The following MCTP1 variants were observed in gnomAD, a reference collection of about 807,000 sequenced individuals.
MCTP1 encodes multiple C2 and transmembrane domain containing 1, also known as multiple C2 and transmembrane domain-containing protein 1.
In MCTP1, 69 loss-of-function variants were observed where a neutral mutation model predicts 120.6. The ratio of observed to expected loss-of-function variants is 0.57; its 90% CI spans 0.47 to 0.70. The LOEUF (loss-of-function observed/expected upper bound fraction) is 0.70. Ranked by LOEUF, MCTP1 falls within the 30% of genes least tolerant of loss-of-function variation. The pLI is 0.00. For synonymous variants in MCTP1, 529 were observed against 493.1 expected (o/e 1.07, Z -0.96); for missense variants, 1,203 against 1,248.8 (o/e 0.96, Z 0.55).
intron 5 of MCTP1, among the ~76,000 whole-genome samples, chr5:94,933,296 A>T (rs1815273304): frequency 6.6e-6 from 1 of 151,798 alleles, no homozygotes; most frequent in Non-Finnish European, 1.5e-5. Context: ...TGAAGCAACA[A>T]ATCCCAGCAT....
chr5:94,980,789 G>A (rs1023401443), intron 2 of MCTP1: 1 of 151,988 alleles, frequency 6.6e-6, no homozygotes, highest in African/African-American at 2.4e-5. Context: ...TTCCACAGAT[G>A]AGCAACTAAA....
intron 2 of MCTP1, among the ~76,000 whole-genome samples, chr5:94,987,719 T>C (rs1260170565): frequency 1.3e-5 from 2 of 152,194 alleles, no homozygotes; most frequent in African/African-American, 4.8e-5. Flanking sequence ...ATGTAATGTA[T>C]GTACATAGAA....
intron 17 of MCTP1, among the ~76,000 whole-genome samples, chr5:94,819,319 C>A (rs574229961): frequency 2.0e-5 from 3 of 151,806 alleles, no homozygotes; most frequent in Non-Finnish European, 4.4e-5. Flanking sequence ...TTAGTAGAGA[C>A]GGAGTTTCAC....
At chr5:94,717,818 G>A (rs1243777268) in intron 19 of MCTP1, among the ~76,000 whole-genome samples, 1 of 152,130 alleles carries the variant, frequency 6.6e-6, no homozygotes, top group Admixed American at 6.5e-5. Flanking sequence ...AACAAGGGAA[G>A]GGAAGGACCT....
intron 1 of MCTP1, among the ~76,000 whole-genome samples, chr5:95,162,344 A>G (rs1185246081): frequency 6.6e-6 from 1 of 152,200 alleles, no homozygotes; most frequent in Non-Finnish European, 1.5e-5. Flanking sequence ...AAAGTAATGA[A>G]ACAATTACCT....
chr5:94,777,491 T>G (rs1333993445), intron 19 of MCTP1, among the ~76,000 whole-genome samples: 2 of 152,280 alleles, frequency 1.3e-5, no homozygotes, highest in East Asian at 1.9e-4. Flanking sequence ...AACAGGGACA[T>G]TAAGTACTAG....
rs558627251 is a variant in MCTP1 at position 95,127,330 on chromosome 5, T to C, written c.721-109846A>G. ...TTGAATGACAAGCAGAAAGTGCTCT[T>C]CAGTGGGATACTCAGGGTTGACCTT... On this transcript the variant is annotated intron_variant, in intron 1 of 22. Coordinates refer to ENST00000515393, the MANE Select transcript of MCTP1 (RefSeq NM_024717.7). 1.1e-3 allele frequency among the ~76,000 whole-genome samples: 162 copies of C among 152,258 alleles called. 1 individual carries two copies. Among genetic ancestry groups the C allele is most frequent in the African/African-American group, 3.7e-3 (153 of 41,554 alleles).
intron 2 of MCTP1, among the ~76,000 whole-genome samples, chr5:95,010,103 C>T (rs147797869): frequency 6.6e-6 from 1 of 152,240 alleles, no homozygotes; most frequent in East Asian, 1.9e-4. Context: ...GCATCCTTGT[C>T]ACACATTGAT....
intron 12 of MCTP1, among the ~76,000 whole-genome samples, chr5:94,888,268 A>T (rs1801775319): frequency 6.6e-6 from 1 of 152,236 alleles, no homozygotes; most frequent in Non-Finnish European, 1.5e-5. Flanking sequence ...TTACAGAAAT[A>T]GTATTATGCA....
intron 1 of MCTP1, among the ~76,000 whole-genome samples, chr5:95,158,841 G>C (rs1008901378): frequency 6.6e-6 from 1 of 151,746 alleles, no homozygotes; most frequent in Non-Finnish European, 1.5e-5. Context: ...CAGGAGGCTT[G>C]AGCCGGGAGG....
chr5:94,866,547 T>G (rs1796848236), intron 17 of MCTP1, among the ~76,000 whole-genome samples: 2 of 9,748 alleles, frequency 2.1e-4, no homozygotes, highest in Non-Finnish European at 6.9e-4. Flanking sequence ...TGATTCCCTC[T>G]TTTTTTTTTT....
chr5:95,216,415 C>G (rs1470068728), intron 1 of MCTP1, among the ~76,000 whole-genome samples: 1 of 152,226 alleles, frequency 6.6e-6, no homozygotes, highest in African/African-American at 2.4e-5. Context: ...AGAAACTACT[C>G]TATCCTGTAG....
At chr5:94,850,530 A>T (rs1446933195) in intron 17 of MCTP1, among the ~76,000 whole-genome samples, 2 of 152,132 alleles carry the variant, frequency 1.3e-5, no homozygotes, top group Non-Finnish European at 2.9e-5. Context: ...AATTTTATAT[A>T]ATGGCATGTA....
intron 10 of MCTP1, among the ~76,000 whole-genome samples, chr5:94,908,869 A>T (rs891140670): frequency 6.6e-6 from 1 of 152,100 alleles, no homozygotes; most frequent in Non-Finnish European, 1.5e-5. Context: ...GCGTTGTAGA[A>T]AATAATGCAT....
intron 1 of MCTP1, among the ~76,000 whole-genome samples, chr5:95,277,192 G>A (rs1582719154): frequency 6.6e-6 from 1 of 152,152 alleles, no homozygotes; most frequent in Non-Finnish European, 1.5e-5. Context: ...CAGAGTCAGA[G>A]TCCAATACCA....
At chr5:95,044,602 C>T (rs533187751) in intron 1 of MCTP1, among the ~76,000 whole-genome samples, 4 of 152,212 alleles carry the variant, frequency 2.6e-5, no homozygotes, top group South Asian at 4.1e-4. Context: ...ATGTCCAGAT[C>T]TAATCTCTTC....
At chr5:94,819,716 A>G (rs1785233998) in intron 17 of MCTP1, among the ~76,000 whole-genome samples, 1 of 152,208 alleles carries the variant, frequency 6.6e-6, no homozygotes, top group Non-Finnish European at 1.5e-5. Flanking sequence ...CTTCTCCATG[A>G]TAATTCACCA....
rs1355413741 is a variant in MCTP1, at chr5:95,224,542, G to A, written c.720+59314C>T. Among the ~76,000 whole-genome samples, 33 of 135,210 alleles carry A rather than the reference G, an allele frequency of 2.4e-4. 1 individual carries two copies. In the Admixed American group the frequency reaches 2.5e-3, roughly 10 times the overall value. The allele number at this position is 135,210 out of a possible 152,430, so 88.7% of individuals were successfully genotyped here. A position where few individuals can be genotyped will look rare whatever the true frequency, so the allele number is the denominator to read the frequency against. On this transcript the variant is annotated intron_variant, in intron 1 of 22. Transcript: ENST00000515393. Reference sequence around the variant, plus strand: ...TTTTTTTTTGAGACAGGGTTTCACTGTGTCCCCCAGGCTGGAATGCAGTGG... The same window carrying A: ...TTTTTTTTTGAGACAGGGTTTCACTATGTCCCCCAGGCTGGAATGCAGTGG...
At chr5:94,846,380 C>T (rs557769051) in intron 17 of MCTP1, among the ~76,000 whole-genome samples, 24 of 152,162 alleles carry the variant, frequency 1.6e-4, no homozygotes, top group South Asian at 2.1e-4. Flanking sequence ...GGCCATTATC[C>T]TCAGCAAACT....
Sources: gnomAD v4.1 joint callset for allele counts (sites outside exome capture counted in the v4.1 genomes callset) on GRCh38, gnomAD v4.1.1 for gene constraint, MANE v1.5 for transcripts, NCBI Gene and HGNC (gene_info 2026-07-23, HGNC 2026-07-21) for gene names.